The following IFIH1 variants were observed in gnomAD, a reference collection of about 807,000 sequenced individuals.
The protein encoded by IFIH1 is interferon-induced helicase C domain-containing protein 1.
IFIH1 carries 125 observed loss-of-function variants against 107.4 expected under a neutral mutation model. That is an observed-to-expected ratio of 1.16 (90% confidence interval 1.01 to 1.35). The LOEUF is 1.35. Among genes scored for constraint, IFIH1 ranks in the 40% most tolerant of loss-of-function variants. The pLI is 0.00. For synonymous variants in IFIH1, 458 were observed against 413.2 expected (o/e 1.11, Z -1.31); for missense variants, 1,333 against 1,213.7 (o/e 1.10, Z -1.46).
In IFIH1 at chr2:162,281,046, C is replaced by A. The variant is rs544106333; in HGVS notation, c.1524+282G>T. Reference sequence around the variant, plus strand: ...ATATCAGGTAGATCATTAAATTTAACCATAAGAGTAGATGTTCAAAAGAAG... The same window carrying A: ...ATATCAGGTAGATCATTAAATTTAAACATAAGAGTAGATGTTCAAAAGAAG... On this transcript the variant is annotated intron_variant, in intron 7 of 15. Transcript: ENST00000649979. 1.9e-4 allele frequency among the ~76,000 whole-genome samples: 29 copies of A among 152,078 alleles called. 1 individual carries two copies. In the South Asian group the frequency reaches 6.0e-3, roughly 32 times the overall value.
intron 13 of IFIH1, among the ~76,000 whole-genome samples, chr2:162,268,934 T>C (rs1439288163): frequency 6.6e-6 from 1 of 152,052 alleles, no homozygotes; most frequent in East Asian, 1.9e-4. Flanking sequence ...CTAAACTTCC[T>C]TCCACATGGA....
chr2:162,299,502 G>A (rs544731809), intron 3 of IFIH1, among the ~76,000 whole-genome samples: 38 of 152,186 alleles, frequency 2.5e-4, no homozygotes, highest in African/African-American at 8.4e-4. Flanking sequence ...AATTTCCATG[G>A]TGTAAATATT....
rs117963074 is a variant in IFIH1 at position 162,268,630 on chromosome 2, C to T, written c.2617-353G>A. ...ATTGAGATGGAGTCTTGCTCTGCTGCCCAGGCTGGAGTGTGTTGGTACTAT... is the reference window on the plus strand; with the variant it reads ...ATTGAGATGGAGTCTTGCTCTGCTGTCCAGGCTGGAGTGTGTTGGTACTAT... On this transcript the variant is annotated intron_variant, in intron 13 of 15. Coordinates refer to ENST00000649979, the MANE Select transcript of IFIH1 (RefSeq NM_022168.4). 5.9e-4 allele frequency among the ~76,000 whole-genome samples: 89 copies of T among 152,092 alleles called. No individual in the cohort carries two copies. The East Asian group carries it at 0.016, about 28-fold the overall frequency.
chr2:162,270,229 C>T (rs1031263077), intron 13 of IFIH1, among the ~76,000 whole-genome samples: 1 of 152,014 alleles, frequency 6.6e-6, no homozygotes, highest in Non-Finnish European at 1.5e-5. Flanking sequence ...AATAATGTAG[C>T]AAAAAAATTG....
chr2:162,292,842 A>C (rs1403443259), intron 4 of IFIH1, among the ~76,000 whole-genome samples: 1 of 151,890 alleles, frequency 6.6e-6, no homozygotes, highest in Non-Finnish European at 1.5e-5. Flanking sequence ...TACATTTAAT[A>C]ATGTTAACAT....
At chr2:162,303,404 C>T (rs1474766557) in intron 3 of IFIH1, among the ~76,000 whole-genome samples, 1 of 152,176 alleles carries the variant, frequency 6.6e-6, no homozygotes, top group Non-Finnish European at 1.5e-5. Context: ...GTGTGAGCCA[C>T]CACGCCTGGC....
At position 162,310,727 on chromosome 2, in the gene IFIH1, A is replaced by C. The variant is rs1184655155; in HGVS notation, c.622+38T>G. On this transcript the variant is annotated intron_variant, in intron 2 of 15. Coordinates refer to ENST00000649979, the MANE Select transcript of IFIH1 (RefSeq NM_022168.4). ...TTTATTGAATTCTCAATCACTAGGC[A>C]GAATTTGAAGAATCTTCCTCAGTAA... is the stretch of plus-strand genomic sequence containing the variant. The C allele has an allele frequency of 2.6e-6, 4 of 1,558,242 alleles. No homozygotes were observed. In the South Asian group the frequency reaches 4.5e-5, roughly 17 times the overall value.
In IFIH1 at chr2:162,273,840, A is replaced by T. The variant is rs558467378; in HGVS notation, c.2409T>A (p.Ile803=). The T allele has an allele frequency of 2.5e-6, 4 of 1,610,734 alleles. No individual in the cohort carries two copies. In the South Asian group the frequency reaches 4.4e-5, roughly 18 times the overall value. Residue 803 remains isoleucine (I), a synonymous_variant, in exon 12 of 16, where the codon ATT becomes ATA. Transcript: ENST00000649979. The part of the protein sequence containing the change: ...EEGLDIKECN[I]VIRYGLVTNE... ...TGGTGACGAGACCATAACGGATAACAATGTTACATTCTTTAATATCCAGAC... is the reference window on the plus strand; with the variant it reads ...TGGTGACGAGACCATAACGGATAACTATGTTACATTCTTTAATATCCAGAC...
intron 4 of IFIH1, among the ~76,000 whole-genome samples, chr2:162,290,595 C>T (rs1263323661): frequency 3.3e-5 from 5 of 151,886 alleles, no homozygotes; most frequent in Non-Finnish European, 5.9e-5. Context: ...GCCAGGCACT[C>T]TCAATAATAT....
rs1553459848 is a variant in IFIH1 at position 162,288,954 on chromosome 2, C to CACACAG, written c.875-600_875-599insCTGTGT. Among the ~76,000 whole-genome samples, 55 of 149,406 alleles carry CACACAG rather than the reference C, an allele frequency of 3.7e-4. 4 individuals carry two copies. Among genetic ancestry groups the CACACAG allele is most frequent in the Non-Finnish European group, 6.6e-4 (44 of 66,870 alleles). On this transcript the variant is annotated intron_variant, in intron 4 of 15. Coordinates refer to ENST00000649979, the MANE Select transcript of IFIH1 (RefSeq NM_022168.4). ...ACACACACACACACACACACACACACACAGACACCCTATCTATCTCAAGTT... is the reference window on the plus strand; with the variant it reads ...ACACACACACACACACACACACACACACACAGACAGACACCCTATCTATCTCAAGTT...
At chr2:162,283,022 G>T (rs1682837508) in intron 5 of IFIH1, among the ~76,000 whole-genome samples, 1 of 151,490 alleles carries the variant, frequency 6.6e-6, no homozygotes, top group Non-Finnish European at 1.5e-5. Flanking sequence ...TGAAGCTAAG[G>T]TTGAATAAGA....
intron 3 of IFIH1, among the ~76,000 whole-genome samples, chr2:162,296,277 A>T (rs1485118025): frequency 1.3e-5 from 2 of 152,096 alleles, no homozygotes; most frequent in Non-Finnish European, 2.9e-5. Flanking sequence ...TTGCTACCCA[A>T]AATAGGGTAT....
At chr2:162,301,315 C>A (rs2105221382) in intron 3 of IFIH1, among the ~76,000 whole-genome samples, 1 of 152,302 alleles carries the variant, frequency 6.6e-6, no homozygotes, top group Admixed American at 6.5e-5. Context: ...TCTACAGTTA[C>A]ATTATAATCT....
Position 162,267,195 on chromosome 2 carries a change from A to C in IFIH1, c.*5T>G, listed in dbSNP as rs1690940982. 2 of 1,554,992 alleles carry C rather than the reference A, an allele frequency of 1.3e-6. No individual in the cohort carries two copies. Among genetic ancestry groups the C allele is most frequent in the Non-Finnish European group, 1.7e-6 (2 of 1,152,570 alleles). On this transcript the variant is annotated 3_prime_UTR_variant, in exon 16 of 16. Transcript: ENST00000649979. ...TAGTATTTTAAAAGAATCTTCAATC[A>C]AGTGCTAATCCTCATCACTAAATAA...
At chr2:162,310,513 T>C (rs898358309) in intron 2 of IFIH1, 2 of 515,704 alleles carry the variant, frequency 3.9e-6, no homozygotes, top group Non-Finnish European at 3.4e-6. Context: ...CTGGTAGTCA[T>C]ATTGTTTTTA....
In IFIH1 at chr2:162,299,539, T is replaced by C. The variant is rs540390537; in HGVS notation, c.770-5871A>G. On this transcript the variant is annotated intron_variant, in intron 3 of 15. Coordinates refer to ENST00000649979, the MANE Select transcript of IFIH1 (RefSeq NM_022168.4). ...ACACCGTGGCCAATTTCCAGCATGA[T>C]GTCCTGTGTGGAGCTGGAAAGAGAT... Among the ~76,000 whole-genome samples, 98 of 152,198 alleles carry C rather than the reference T, an allele frequency of 6.4e-4. No individual in the cohort carries two copies. The Middle Eastern group carries it at 0.014, about 21-fold the overall frequency.
intron 3 of IFIH1, among the ~76,000 whole-genome samples, chr2:162,296,723 T>C (rs1332794300): frequency 6.6e-6 from 1 of 152,172 alleles, no homozygotes; most frequent in African/African-American, 2.4e-5. Flanking sequence ...GAAAAGAACT[T>C]AGAGAGATGA....
chr2:162,302,537 C>A (rs766886001), intron 3 of IFIH1, among the ~76,000 whole-genome samples: 23 of 152,246 alleles, frequency 1.5e-4, no homozygotes, highest in Non-Finnish European at 3.1e-4. Flanking sequence ...TACACAAATG[C>A]ATATTAGAAG....
chr2:162,306,296 C>T (rs1683279415), intron 3 of IFIH1, among the ~76,000 whole-genome samples: 1 of 152,094 alleles, frequency 6.6e-6, no homozygotes, highest in South Asian at 2.1e-4. Flanking sequence ...ATTTTTACGA[C>T]ACAGTTGAAC....
Sources: allele counts gnomAD v4.1 joint callset (sites outside exome capture counted in the v4.1 genomes callset), GRCh38; gene constraint gnomAD v4.1.1; transcripts MANE v1.5; gene names NCBI Gene and HGNC (gene_info 2026-07-23, HGNC 2026-07-21).